The following STX8 variants were observed in gnomAD, a reference collection of about 807,000 sequenced individuals.
STX8 encodes the protein syntaxin-8.
Under a neutral mutation model 37.5 loss-of-function variants are expected in STX8, and 23 were observed. The ratio of observed to expected loss-of-function variants is 0.61; its 90% CI spans 0.44 to 0.87. The LOEUF (loss-of-function observed/expected upper bound fraction) is 0.87. Among genes scored for constraint, STX8 ranks in the 40% least tolerant of loss-of-function variants. The probability of loss-of-function intolerance (pLI) is 0.00; values close to 1 mark genes in which losing one functional copy is unlikely to be tolerated. For synonymous variants in STX8, 115 were observed against 99.1 expected (o/e 1.16, Z -0.95); for missense variants, 313 against 284.7 (o/e 1.10, Z -0.71).
chr17:9,440,475 C>T (rs980700153), intron 6 of STX8, among the ~76,000 whole-genome samples: 7 of 152,016 alleles, frequency 4.6e-5, no homozygotes, highest in Admixed American at 3.3e-4. Flanking sequence ...TGGTCAATGA[C>T]GTCCATGATG....
intron 6 of STX8, among the ~76,000 whole-genome samples, chr17:9,455,927 T>C (rs141622298): frequency 4.6e-5 from 7 of 152,314 alleles, no homozygotes; most frequent in African/African-American, 1.7e-4. Context: ...ATTTCTCATA[T>C]GCAAAGGCAT....
At chr17:9,484,790 A>G (rs796304212) in intron 6 of STX8, among the ~76,000 whole-genome samples, 16 of 152,250 alleles carry the variant, frequency 1.1e-4, no homozygotes, top group African/African-American at 2.6e-4. Flanking sequence ...TCGTGCCATT[A>G]CACTCCAGCC....
chr17:9,281,480 C>G (rs542429810), intron 7 of STX8, among the ~76,000 whole-genome samples: 1 of 149,828 alleles, frequency 6.7e-6, no homozygotes, highest in African/African-American at 2.5e-5. Context: ...TTTGACAGCA[C>G]GATATTTGGT....
At chr17:9,381,326 T>C (rs1567805172) in intron 6 of STX8, among the ~76,000 whole-genome samples, 2 of 152,010 alleles carry the variant, frequency 1.3e-5, no homozygotes, top group African/African-American at 2.4e-5. Flanking sequence ...TCAATACCAG[T>C]CACCATTTTT....
intron 2 of STX8, among the ~76,000 whole-genome samples, chr17:9,565,871 G>T (rs1298005145): frequency 6.6e-6 from 1 of 152,098 alleles, no homozygotes; most frequent in Non-Finnish European, 1.5e-5. Context: ...AGACAACCTA[G>T]GCAATACTAT....
chr17:9,272,125 G>C (rs1907488149), intron 7 of STX8, among the ~76,000 whole-genome samples: 1 of 152,222 alleles, frequency 6.6e-6, no homozygotes, highest in Admixed American at 6.5e-5. Context: ...TCTTGACAAA[G>C]ACGGTTCTGT....
chr17:9,296,889 TA>T (rs1908572864), intron 7 of STX8, among the ~76,000 whole-genome samples: 1 of 152,224 alleles, frequency 6.6e-6, no homozygotes. Flanking sequence ...GACAAGTTAC[TA>T]AACTTCTCTG....
intron 7 of STX8, among the ~76,000 whole-genome samples, chr17:9,301,567 C>G (rs975064128): frequency 6.6e-6 from 1 of 151,784 alleles, no homozygotes; most frequent in Non-Finnish European, 1.5e-5. Flanking sequence ...ACTGCAAGCT[C>G]CACCTCCCGC....
Position 9,514,537 on chromosome 17 carries a change from C to T in STX8, c.324-9375G>A, listed in dbSNP as rs191151421. Among the ~76,000 whole-genome samples, 12 of 152,156 alleles carry T rather than the reference C, an allele frequency of 7.9e-5. No individual in the cohort carries two copies. The East Asian group carries it at 2.1e-3, about 27-fold the overall frequency. Reference sequence around the variant, plus strand: ...GGAAGAATTGCTTGAACTCAGGAGGCGGATGTTGCAGTGAGCCAAGATTGC... The same window carrying T: ...GGAAGAATTGCTTGAACTCAGGAGGTGGATGTTGCAGTGAGCCAAGATTGC... On this transcript the variant is annotated intron_variant, in intron 4 of 7. Transcript: ENST00000306357.
At chr17:9,333,481 G>A (rs58892950) in intron 7 of STX8, among the ~76,000 whole-genome samples, 12,724 of 152,072 alleles carry the variant, frequency 0.084, 1,517 homozygotes, top group African/African-American at 0.27. Context: ...TCCGCCTCCC[G>A]GGTTCACGCC....
chr17:9,342,551 G>T lies in STX8; in HGVS notation c.643+36001C>A, dbSNP rs73973677. ...AAAGGAATTGTCCAGCCAGAGCTAC[G>T]GGAAGAACAGTGGTGCCAAACACAA... is the stretch of plus-strand genomic sequence containing the variant. On this transcript the variant is annotated intron_variant, in intron 7 of 7. Transcript: ENST00000306357. 7.2e-3 allele frequency among the ~76,000 whole-genome samples: 1,093 copies of T among 152,274 alleles called. 13 individuals are homozygous for T. The highest frequency in any genetic ancestry group is 0.024 in the African/African-American group (1,005 of 41,554).
intron 6 of STX8, among the ~76,000 whole-genome samples, chr17:9,424,003 T>C (rs1913535447): frequency 6.6e-6 from 1 of 152,134 alleles, no homozygotes; most frequent in African/African-American, 2.4e-5. Flanking sequence ...ACAGGTTGGT[T>C]TGTAGGGTTT....
chr17:9,503,105 CAAAA>C (rs61437085), intron 5 of STX8, among the ~76,000 whole-genome samples: 5 of 58,598 alleles, frequency 8.5e-5, no homozygotes, highest in African/African-American at 3.8e-4. Flanking sequence ...GACTCTGTCT[CAAAA>C]AAAAAAAAAA....
chr17:9,459,813 C>A (rs1001034406), intron 6 of STX8, among the ~76,000 whole-genome samples: 12 of 152,356 alleles, frequency 7.9e-5, no homozygotes, highest in African/African-American at 2.4e-4. Flanking sequence ...CCACGCCTGG[C>A]CAATATGCTG....
intron 2 of STX8, among the ~76,000 whole-genome samples, chr17:9,560,412 A>C (rs1200822770): frequency 4.6e-5 from 7 of 151,578 alleles, no homozygotes; most frequent in African/African-American, 1.7e-4. Context: ...AAAAAAAAAA[A>C]AAACGGTAGA....
At chr17:9,527,145 G>A (rs1905608789) in intron 4 of STX8, among the ~76,000 whole-genome samples, 1 of 134,700 alleles carries the variant, frequency 7.4e-6, no homozygotes, top group South Asian at 2.5e-4. Context: ...CGCCACTGCA[G>A]TCCACAGTCC....
Position 9,467,196 on chromosome 17 carries a change from C to T in STX8, c.541+24633G>A, listed in dbSNP as rs1905654492. 1.3e-5 allele frequency: 2 copies of T among 152,126 alleles called. 1 individual carries two copies. Among genetic ancestry groups the T allele is most frequent in the South Asian group, 4.1e-4 (2 of 4,832 alleles). The allele number at this position is 152,126 out of a possible 1,614,324, so 9.4% of individuals were successfully genotyped here. The stretch of plus-strand genomic sequence containing the variant: ...GTGAGCCACCGTGCCCGGCCTTTTA[C>T]ATGCTTTTAACTCATTTGATCCTCA... On this transcript the variant is annotated intron_variant, in intron 6 of 7. Coordinates refer to ENST00000306357, the MANE Select transcript of STX8 (RefSeq NM_004853.3).
At chr17:9,358,347 C>T (rs989738774) in intron 7 of STX8, among the ~76,000 whole-genome samples, 1 of 151,784 alleles carries the variant, frequency 6.6e-6, no homozygotes, top group East Asian at 1.9e-4. Flanking sequence ...GAGCGAGACC[C>T]TGTCTCTAAA....
At position 9,507,253 on chromosome 17, in the gene STX8, G is replaced by T. The variant is rs1159869518; in HGVS notation, c.324-2091C>A. On this transcript the variant is annotated intron_variant, in intron 4 of 7. Transcript: ENST00000306357. The surrounding 1 kb of genome is among the most constrained non-coding windows in gnomAD (Gnocchi z 4.0). ...CAATCAGGGCCTGAGAAACAACCCT[G>T]CAGGCTGCCCCTGGCAGACATACCC... Among the ~76,000 whole-genome samples the T allele has an allele frequency of 2.0e-5, 3 of 151,182 alleles. No homozygotes were observed. The highest frequency in any genetic ancestry group is 4.4e-5 in the Non-Finnish European group (3 of 67,820).
Sources: allele counts gnomAD v4.1 joint callset (sites outside exome capture counted in the v4.1 genomes callset), GRCh38; gene constraint gnomAD v4.1.1; non-coding constraint Gnocchi (gnomAD v3.1); transcripts MANE v1.5; gene names NCBI Gene and HGNC (gene_info 2026-07-23, HGNC 2026-07-21).